Variants in LCOR observed in about 807,000 individuals in gnomAD.
LCOR encodes the protein ligand-dependent corepressor.
LCOR carries 14 observed loss-of-function variants against 64.4 expected under a neutral mutation model. The ratio of observed to expected loss-of-function variants is 0.22; its 90% CI spans 0.14 to 0.34. The LOEUF (loss-of-function observed/expected upper bound fraction) is 0.34. Ranked by LOEUF, LCOR falls within the 10% of genes least tolerant of loss-of-function variation. The pLI is 1.00. For missense variants in LCOR, 1,686 were observed against 1,765.3 expected, an observed-to-expected ratio of 0.96 and a Z score of 0.80; for synonymous variants, 643 against 642.5, an observed-to-expected ratio of 1.00 and a Z score of -0.01.
intron 4 of LCOR, among the ~76,000 whole-genome samples, chr10:96,924,108 A>G (rs1457377231): frequency 1.3e-5 from 2 of 152,170 alleles, no homozygotes; most frequent in Non-Finnish European, 2.9e-5. Flanking sequence ...ACAAGCAAAT[A>G]TAAGTTAATG....
chr10:96,883,092 A>C (rs1846289888), intron 2 of LCOR, among the ~76,000 whole-genome samples: 1 of 152,184 alleles, frequency 6.6e-6, no homozygotes, highest in African/African-American at 2.4e-5. Context: ...GCTGGAGTGC[A>C]GTGGCACGAT....
chr10:96,957,270 A>G (rs1847799659), intron 7 of LCOR: 1 of 984,854 alleles, frequency 1.0e-6, no homozygotes, highest in South Asian at 4.7e-5. Flanking sequence ...TAATTAGCTG[A>G]TATTCATGGT....
In LCOR at chr10:96,992,235, A is replaced by G. The variant is rs938933925; in HGVS notation, c.*7101A>G. On this transcript the variant is annotated 3_prime_UTR_variant, in exon 8 of 8. Coordinates refer to ENST00000421806, the MANE Select transcript of LCOR (RefSeq NM_001346516.2). The stretch of plus-strand genomic sequence containing the variant: ...TGTGTTAGTAACTGGTTTCAAATAC[A>G]TATATATAATATTTATACACACCAC... The G allele has an allele frequency of 6.6e-6, 1 of 152,208 alleles. No homozygotes were observed. Among genetic ancestry groups the G allele is most frequent in the Non-Finnish European group, 1.5e-5 (1 of 68,032 alleles). 9.4% of individuals were successfully genotyped at this position (152,208 alleles called of 1,614,324 possible).
intron 2 of LCOR, among the ~76,000 whole-genome samples, chr10:96,861,191 A>G (rs1845881701): frequency 6.6e-6 from 1 of 152,200 alleles, no homozygotes; most frequent in South Asian, 2.1e-4. Flanking sequence ...TGAGGAACCT[A>G]AGACTACTGG....
rs1015341397 is a variant in LCOR, at chr10:96,962,149, C to T, written c.332+9953C>T. ...TAAATAATTCTTATTTTAAAAAAGACAATAACATTTTGTACCTTTCTAGCA... is the reference window on the plus strand; with the variant it reads ...TAAATAATTCTTATTTTAAAAAAGATAATAACATTTTGTACCTTTCTAGCA... On this transcript the variant is annotated intron_variant, in intron 7 of 7. Transcript: ENST00000421806. 9.9e-5 allele frequency: 15 copies of T among 152,062 alleles called. No individual in the cohort carries two copies. The South Asian group carries it at 2.9e-3, about 29-fold the overall frequency. The allele number at this position is 152,062 out of a possible 1,614,324, so 9.4% of individuals were successfully genotyped here. A position where few individuals can be genotyped will look rare whatever the true frequency, so the allele number is the denominator to read the frequency against.
intron 2 of LCOR, among the ~76,000 whole-genome samples, chr10:96,889,858 T>C (rs993610426): frequency 2.6e-5 from 4 of 152,254 alleles, no homozygotes; most frequent in Admixed American, 6.5e-5. Flanking sequence ...TGTTCAATAC[T>C]GCTGTGAACA....
At chr10:96,847,581 A>T (rs1845653264) in intron 2 of LCOR, among the ~76,000 whole-genome samples, 1 of 152,088 alleles carries the variant, frequency 6.6e-6, no homozygotes, top group African/African-American at 2.4e-5. Flanking sequence ...AGCTGCGATT[A>T]CAAGCGTGTG....
chr10:96,966,716 T>G (rs1323189699), intron 7 of LCOR, among the ~76,000 whole-genome samples: 1 of 152,196 alleles, frequency 6.6e-6, no homozygotes, highest in Non-Finnish European at 1.5e-5. Flanking sequence ...AGAATTTTAT[T>G]TATCAGATTC....
chr10:96,856,080 T>G (rs975424058), intron 2 of LCOR, among the ~76,000 whole-genome samples: 10 of 112,266 alleles, frequency 8.9e-5, no homozygotes, highest in South Asian at 2.2e-4. Flanking sequence ...ATTTATTTAG[T>G]TTTTTTTTGA....
rs942675656 is a variant in LCOR, at chr10:96,989,143, C to T, written c.*4009C>T. On this transcript the variant is annotated 3_prime_UTR_variant, in exon 8 of 8. Transcript: ENST00000421806. ...TTATATCGATATGCACTACTATCCCCTTAAACTTGAGCAACCTTAGCATTC... is the reference window on the plus strand; with the variant it reads ...TTATATCGATATGCACTACTATCCCTTTAAACTTGAGCAACCTTAGCATTC... The T allele has an allele frequency of 5.9e-5, 9 of 152,138 alleles. No individual in the cohort carries two copies. The highest frequency in any genetic ancestry group is 1.3e-4 in the Admixed American group (2 of 15,264). The allele number at this position is 152,138 out of a possible 1,614,324, so 9.4% of individuals were successfully genotyped here.
At chr10:96,960,997 A>G (rs1384582857) in intron 7 of LCOR, 2 of 152,160 alleles carry the variant, frequency 1.3e-5, no homozygotes, top group Non-Finnish European at 2.9e-5. Context: ...GCCCTGTAAC[A>G]CAACACTGTA....
chr10:96,847,444 T>G (rs768909314), intron 2 of LCOR, among the ~76,000 whole-genome samples: 1 of 152,108 alleles, frequency 6.6e-6, no homozygotes, highest in Non-Finnish European at 1.5e-5. Context: ...ACTTACTTAT[T>G]TATTTATTTT....
intron 7 of LCOR, chr10:96,960,565 TTA>T (rs1372594862): frequency 3.9e-5 from 6 of 152,208 alleles, no homozygotes; most frequent in African/African-American, 2.4e-5. Context: ...GTGCTCCACT[TTA>T]TGTTTTTTAG....
intron 7 of LCOR, among the ~76,000 whole-genome samples, chr10:96,965,983 T>C (rs947994520): frequency 2.0e-5 from 3 of 152,048 alleles, no homozygotes; most frequent in African/African-American, 4.8e-5. Context: ...TATCTTCAAA[T>C]TGATATTCAG....
At chr10:96,855,578 G>A (rs1039781841) in intron 2 of LCOR, among the ~76,000 whole-genome samples, 3 of 151,872 alleles carry the variant, frequency 2.0e-5, no homozygotes, top group African/African-American at 2.4e-5. Context: ...GGGATTACAG[G>A]CGCCCACCAC....
intron 6 of LCOR, among the ~76,000 whole-genome samples, chr10:96,951,409 A>G (rs916369774): frequency 3.9e-5 from 6 of 152,066 alleles, no homozygotes; most frequent in Admixed American, 6.5e-5. Context: ...TTAATTGAAA[A>G]ATTCTTGCAT....
intron 2 of LCOR, among the ~76,000 whole-genome samples, chr10:96,852,633 A>G (rs923385763): frequency 3.3e-5 from 5 of 152,178 alleles, no homozygotes; most frequent in African/African-American, 1.2e-4. Flanking sequence ...CTGTATATCT[A>G]TTTTATTCTA....
At chr10:96,967,671 G>A (rs116556933) in intron 7 of LCOR, among the ~76,000 whole-genome samples, 5,173 of 152,100 alleles carry the variant, frequency 0.034, 304 homozygotes, top group African/African-American at 0.12. Flanking sequence ...ATAAGGTCTC[G>A]TAAACCCAGG....
intron 7 of LCOR, chr10:96,956,180 A>T: frequency 1.6e-6 from 2 of 1,232,600 alleles, no homozygotes; most frequent in Non-Finnish European, 2.0e-6. Flanking sequence ...CCTCACAGAG[A>T]ACAGATACAT....
Sources: allele counts gnomAD v4.1 joint callset (sites outside exome capture counted in the v4.1 genomes callset), GRCh38; gene constraint gnomAD v4.1.1; transcripts MANE v1.5; gene names NCBI Gene and HGNC (gene_info 2026-07-23, HGNC 2026-07-21).